Variants in SLC25A21 observed in about 807,000 individuals in gnomAD.
SLC25A21 encodes the protein solute carrier family 25 member 21, also known as mitochondrial 2-oxodicarboxylate carrier.
A neutral mutation model predicts 43.8 loss-of-function variants in SLC25A21; 47 were observed. That is an observed-to-expected ratio of 1.07 (90% CI 0.85 to 1.37). SLC25A21 has a LOEUF of 1.37. Ranked by LOEUF, SLC25A21 falls within the 40% of genes most tolerant of loss-of-function variation. The pLI, the probability that SLC25A21 is intolerant of heterozygous loss-of-function variation, is 0.00. For missense variants in SLC25A21, 352 were observed against 350.2 expected (o/e 1.00, Z -0.04); for synonymous variants, 131 against 121.3 (o/e 1.08, Z -0.52).
At chr14:36,689,167 G>C (rs562927939) in intron 7 of SLC25A21, among the ~76,000 whole-genome samples, 1 of 152,180 alleles carries the variant, frequency 6.6e-6, no homozygotes, top group African/African-American at 2.4e-5. Context: ...CACATCTTAC[G>C]TGGATGGCAG....
At chr14:37,162,749 C>T (rs1470867035) in intron 1 of SLC25A21, among the ~76,000 whole-genome samples, 5 of 152,110 alleles carry the variant, frequency 3.3e-5, no homozygotes, top group South Asian at 2.1e-4. Flanking sequence ...CTCAGGGATC[C>T]AGAACTAGAA....
chr14:37,075,888 ATATC>A (rs1310307576), intron 1 of SLC25A21, among the ~76,000 whole-genome samples: 1 of 152,176 alleles, frequency 6.6e-6, no homozygotes, highest in Admixed American at 6.6e-5. Context: ...CGCCCTGAAA[ATATC>A]CTCCACAGGG....
At chr14:36,925,428 C>A (rs1367181422) in intron 1 of SLC25A21, among the ~76,000 whole-genome samples, 1 of 152,096 alleles carries the variant, frequency 6.6e-6, no homozygotes, top group African/African-American at 2.4e-5. Flanking sequence ...CCATAAATGG[C>A]CATGTTAATC....
chr14:37,035,081 C>T (rs1012070847), intron 1 of SLC25A21, among the ~76,000 whole-genome samples: 1 of 152,206 alleles, frequency 6.6e-6, no homozygotes, highest in African/African-American at 2.4e-5. Context: ...ATAAATTTTA[C>T]ATTTGGCAAA....
chr14:36,769,564 AT>A (rs1472466483), intron 3 of SLC25A21, among the ~76,000 whole-genome samples: 2 of 152,030 alleles, frequency 1.3e-5, no homozygotes, highest in African/African-American at 4.8e-5. Flanking sequence ...TCTTCATATT[AT>A]TTTTTCCATA....
Position 36,679,197 on chromosome 14 carries a change from GTTTTGT to G in SLC25A21, c.*1455_*1460del. ...CTTATTTCTTTTTTTTCACAATTTTGTTTTGTTTTTAATGACCCTTTTATTGAATAT... is the reference window on the plus strand; with the variant it reads ...CTTATTTCTTTTTTTTCACAATTTTGTTTTAATGACCCTTTTATTGAATAT... On this transcript the variant is annotated 3_prime_UTR_variant, in exon 10 of 10. Coordinates refer to ENST00000331299, the MANE Select transcript of SLC25A21 (RefSeq NM_030631.4). 1.2e-5 allele frequency: 12 copies of G among 984,550 alleles called. No individual in the cohort carries two copies. The highest frequency in any genetic ancestry group is 1.4e-5 in the Non-Finnish European group (12 of 829,338). 61.0% of individuals were successfully genotyped at this position (984,550 alleles called of 1,614,324 possible). A position where few individuals can be genotyped will look rare whatever the true frequency, so the allele number is the denominator to read the frequency against.
rs1482243146 is a variant in SLC25A21 at position 36,723,944 on chromosome 14, C to T, written c.438+1626G>A. Among the ~76,000 whole-genome samples the T allele has an allele frequency of 3.9e-5, 6 of 152,208 alleles. No individual in the cohort carries two copies. In the East Asian group the frequency reaches 9.7e-4, roughly 25 times the overall value. ...TTCCCAAGGGGTAAGATGGGAACACCGGACAGGGATCTCTGCAATTTTCTT... is the reference window on the plus strand; with the variant it reads ...TTCCCAAGGGGTAAGATGGGAACACTGGACAGGGATCTCTGCAATTTTCTT... On this transcript the variant is annotated intron_variant, in intron 6 of 9. Transcript: ENST00000331299.
intron 7 of SLC25A21, 75 bp from the exon 8 acceptor site, chr14:36,685,000 A>C: frequency 8.2e-7 from 1 of 1,225,914 alleles, no homozygotes; most frequent in Non-Finnish European, 1.1e-6. Flanking sequence ...ATAAAGCAAT[A>C]TGTATTTAAG....
intron 3 of SLC25A21, among the ~76,000 whole-genome samples, chr14:36,740,519 TC>T (rs1210606018): frequency 1.3e-5 from 2 of 152,158 alleles, no homozygotes; most frequent in African/African-American, 4.8e-5. Flanking sequence ...AAAATGAAGA[TC>T]AAAAACTACA....
At chr14:36,840,843 C>T (rs1056215027) in intron 2 of SLC25A21, among the ~76,000 whole-genome samples, 1 of 152,162 alleles carries the variant, frequency 6.6e-6, no homozygotes, top group Non-Finnish European at 1.5e-5. Context: ...ATGCATGGGA[C>T]ATCACGGAAA....
intron 6 of SLC25A21, among the ~76,000 whole-genome samples, chr14:36,721,439 T>C (rs1261721879): frequency 6.6e-6 from 1 of 152,150 alleles, no homozygotes; most frequent in Non-Finnish European, 1.5e-5. Flanking sequence ...ACAGATGCCT[T>C]GCTGTAAGGA....
At chr14:36,746,011 G>A (rs186356736) in intron 3 of SLC25A21, among the ~76,000 whole-genome samples, 4 of 152,218 alleles carry the variant, frequency 2.6e-5, no homozygotes, top group Admixed American at 6.5e-5. Flanking sequence ...TGGTGGAAAT[G>A]TAAAATATTA....
At chr14:36,823,606 G>C (rs1007112552) in intron 2 of SLC25A21, among the ~76,000 whole-genome samples, 7 of 152,062 alleles carry the variant, frequency 4.6e-5, no homozygotes, top group Non-Finnish European at 8.8e-5. Flanking sequence ...TCAAAGACTG[G>C]AAATAGAACC....
chr14:36,935,598 C>G (rs1000027869), intron 1 of SLC25A21, among the ~76,000 whole-genome samples: 15 of 152,104 alleles, frequency 9.9e-5, no homozygotes, highest in African/African-American at 3.6e-4. Context: ...AACATCTGAC[C>G]AATTCAATAG....
chr14:36,796,990 G>A (rs1157525901), intron 3 of SLC25A21, among the ~76,000 whole-genome samples: 1 of 152,102 alleles, frequency 6.6e-6, no homozygotes, highest in Non-Finnish European at 1.5e-5. Flanking sequence ...TTTACTCAGT[G>A]GACATAGGAT....
chr14:36,726,450 A>C (rs181555430), intron 5 of SLC25A21, among the ~76,000 whole-genome samples: 75 of 152,166 alleles, frequency 4.9e-4, no homozygotes, highest in African/African-American at 1.6e-3. Flanking sequence ...ATAAAAAAAA[A>C]AAGAAGAAGA....
chr14:36,888,566 A>C (rs958609005), intron 1 of SLC25A21, among the ~76,000 whole-genome samples: 6 of 152,082 alleles, frequency 3.9e-5, no homozygotes, highest in Non-Finnish European at 5.9e-5. Context: ...ATGTATGAAT[A>C]TGTGAGATAT....
At chr14:36,691,319 G>A (rs1190965400) in intron 7 of SLC25A21, among the ~76,000 whole-genome samples, 1 of 152,168 alleles carries the variant, frequency 6.6e-6, no homozygotes, top group East Asian at 1.9e-4. Flanking sequence ...GACTAGGAGT[G>A]AATTCAGAAT....
At chr14:36,963,193 A>G (rs1023847781) in intron 1 of SLC25A21, among the ~76,000 whole-genome samples, 5 of 152,106 alleles carry the variant, frequency 3.3e-5, no homozygotes, top group Admixed American at 3.3e-4. Context: ...ATCCCCCCAT[A>G]GTATATTAAA....
Sources: gnomAD v4.1 joint callset for allele counts (sites outside exome capture counted in the v4.1 genomes callset) on GRCh38, gnomAD v4.1.1 for gene constraint, MANE v1.5 for transcripts, NCBI Gene and HGNC (gene_info 2026-07-23, HGNC 2026-07-21) for gene names.